The following SPAG16 variants were observed in gnomAD, a reference collection of about 807,000 sequenced individuals.
SPAG16 encodes sperm associated antigen 16.
In SPAG16, 86 loss-of-function variants were observed where a neutral mutation model predicts 80.4. That is an observed-to-expected ratio of 1.07 (90% CI 0.90 to 1.28). SPAG16 has a LOEUF of 1.28. Ranked by LOEUF, SPAG16 falls within the 50% of genes most tolerant of loss-of-function variation. The pLI is 0.00. For missense variants in SPAG16, 870 were observed against 765.3 expected (o/e 1.14, Z -1.61); for synonymous variants, 294 against 265.9 (o/e 1.11, Z -1.03).
chr2:213,935,299 G>A (rs940111214), intron 12 of SPAG16, among the ~76,000 whole-genome samples: 1 of 151,844 alleles, frequency 6.6e-6, no homozygotes, highest in African/African-American at 2.4e-5. Context: ...TCTACTATAG[G>A]CACCCATGAA....
intron 15 of SPAG16, among the ~76,000 whole-genome samples, chr2:214,322,510 A>G (rs1267755178): frequency 6.7e-5 from 2 of 29,756 alleles, no homozygotes; most frequent in Non-Finnish European, 4.6e-4. Context: ...CACCTTAGGC[A>G]AAAAAAAAAA....
intron 15 of SPAG16, among the ~76,000 whole-genome samples, chr2:214,329,776 A>G (rs1696763659): frequency 6.6e-6 from 1 of 152,220 alleles, no homozygotes; most frequent in Non-Finnish European, 1.5e-5. Context: ...ATATAAATCA[A>G]TGCAACAGTA....
At chr2:214,382,219 T>C (rs889871067) in intron 15 of SPAG16, among the ~76,000 whole-genome samples, 2 of 152,192 alleles carry the variant, frequency 1.3e-5, no homozygotes, top group African/African-American at 4.8e-5. Flanking sequence ...ATCTGATTAA[T>C]GAGAAATGAG....
At chr2:214,117,230 G>A (rs1185875667) in intron 14 of SPAG16, among the ~76,000 whole-genome samples, 1 of 151,902 alleles carries the variant, frequency 6.6e-6, no homozygotes, top group Non-Finnish European at 1.5e-5. Context: ...AAGACACAGT[G>A]GAGAGCATTA....
chr2:213,734,431 A>T (rs1411773472), intron 10 of SPAG16, among the ~76,000 whole-genome samples: 1 of 152,228 alleles, frequency 6.6e-6, no homozygotes, highest in African/African-American at 2.4e-5. Context: ...AAACTGAGCA[A>T]AGATTAAGTA....
intron 9 of SPAG16, among the ~76,000 whole-genome samples, chr2:213,482,156 G>A (rs1459994844): frequency 6.6e-6 from 1 of 152,188 alleles, no homozygotes; most frequent in Non-Finnish European, 1.5e-5. Flanking sequence ...AGGGAGCTTC[G>A]CTCATCATAA....
intron 5 of SPAG16, chr2:213,318,112 G>A (rs1472366972): frequency 6.6e-6 from 1 of 151,976 alleles, no homozygotes; most frequent in South Asian, 2.1e-4. Context: ...TCTGACTGGT[G>A]TAAGATGATA....
At chr2:214,154,070 A>G (rs912988021) in intron 15 of SPAG16, among the ~76,000 whole-genome samples, 1 of 152,162 alleles carries the variant, frequency 6.6e-6, no homozygotes, top group Non-Finnish European at 1.5e-5. Flanking sequence ...AACATTCACT[A>G]CCTAAATAAT....
At chr2:214,335,892 G>T (rs1008964000) in intron 15 of SPAG16, among the ~76,000 whole-genome samples, 5 of 151,046 alleles carry the variant, frequency 3.3e-5, no homozygotes, top group Non-Finnish European at 7.4e-5. Context: ...CCGAGTAGCT[G>T]GGCCTACAGG....
intron 13 of SPAG16, among the ~76,000 whole-genome samples, chr2:214,056,108 G>T (rs979450658): frequency 1.3e-5 from 2 of 152,014 alleles, no homozygotes; most frequent in Non-Finnish European, 2.9e-5. Context: ...AAGACAGGAA[G>T]CTTTGACCCT....
At chr2:214,137,924 G>GA (rs1219496308) in intron 14 of SPAG16, among the ~76,000 whole-genome samples, 2 of 151,766 alleles carry the variant, frequency 1.3e-5, no homozygotes, top group East Asian at 1.9e-4. Flanking sequence ...TAATTTGATA[G>GA]AAAAAAAGGA....
intron 15 of SPAG16, among the ~76,000 whole-genome samples, chr2:214,182,195 A>G (rs975720459): frequency 6.6e-6 from 1 of 151,724 alleles, no homozygotes; most frequent in African/African-American, 2.4e-5. Flanking sequence ...GGAAAGTAAT[A>G]AAATCAAAGA....
chr2:214,337,979 A>C (rs1697411890), intron 15 of SPAG16, among the ~76,000 whole-genome samples: 1 of 152,198 alleles, frequency 6.6e-6, no homozygotes, highest in African/African-American at 2.4e-5. Context: ...GACTAGTGGT[A>C]GAGATGATGA....
At chr2:213,868,546 G>A (rs939548066) in intron 11 of SPAG16, among the ~76,000 whole-genome samples, 1 of 152,146 alleles carries the variant, frequency 6.6e-6, no homozygotes, top group Non-Finnish European at 1.5e-5. Flanking sequence ...ACCTACACCA[G>A]ACGACTGCTT....
chr2:214,119,236 G>T (rs2054098131), intron 14 of SPAG16, among the ~76,000 whole-genome samples: 1 of 151,996 alleles, frequency 6.6e-6, no homozygotes, highest in Non-Finnish European at 1.5e-5. Flanking sequence ...TTCTCTTATG[G>T]TATTAGAGCT....
chr2:213,722,295 C>T (rs564343940), intron 10 of SPAG16, among the ~76,000 whole-genome samples: 1 of 152,188 alleles, frequency 6.6e-6, no homozygotes, highest in African/African-American at 2.4e-5. Context: ...ATCTCTTTTT[C>T]TTTTTTGGAA....
At chr2:213,324,982 T>A (rs2063782805) in intron 5 of SPAG16, among the ~76,000 whole-genome samples, 1 of 152,140 alleles carries the variant, frequency 6.6e-6, no homozygotes, top group Non-Finnish European at 1.5e-5. Flanking sequence ...ATTTTCTGTA[T>A]ACAAATGATA....
chr2:213,849,545 A>T (rs945763726), intron 10 of SPAG16, among the ~76,000 whole-genome samples: 1 of 152,244 alleles, frequency 6.6e-6, no homozygotes, highest in Non-Finnish European at 1.5e-5. Context: ...ATATGTCATT[A>T]CAATAATCAC....
intron 6 of SPAG16, among the ~76,000 whole-genome samples, chr2:213,348,955 G>A (rs374518182): frequency 4.2e-4 from 64 of 151,986 alleles, no homozygotes; most frequent in African/African-American, 1.2e-3. Flanking sequence ...AAAATAGATC[G>A]TATACTGAGC....
Sources: gnomAD v4.1 joint callset for allele counts (sites outside exome capture counted in the v4.1 genomes callset) on GRCh38, gnomAD v4.1.1 for gene constraint, MANE v1.5 for transcripts, NCBI Gene and HGNC (gene_info 2026-07-23, HGNC 2026-07-21) for gene names.